ARHGEF7: variants seen among roughly 807,000 people sequenced by gnomAD.
ARHGEF7 encodes Rho guanine nucleotide exchange factor 7.
Under a neutral mutation model 109.8 loss-of-function variants are expected in ARHGEF7, and 33 were observed. The observed-to-expected ratio is 0.30, with a 90% CI of 0.23 to 0.40. ARHGEF7 has a LOEUF of 0.40. ARHGEF7 is among the 10% of genes least tolerant of loss of function. The probability of loss-of-function intolerance (pLI) is 1.00; values close to 1 mark genes in which losing one functional copy is unlikely to be tolerated. For missense variants in ARHGEF7, 938 were observed against 1,098.5 expected, an observed-to-expected ratio of 0.85 and a Z score of 2.07; for synonymous variants, 458 against 424.6, an observed-to-expected ratio of 1.08 and a Z score of -0.97.
intron 2 of ARHGEF7, among the ~76,000 whole-genome samples, chr13:111,174,948 C>T (rs1221374132): frequency 2.0e-5 from 3 of 152,180 alleles, no homozygotes; most frequent in Non-Finnish European, 4.4e-5. Context: ...CCATCTGTTG[C>T]CTGTGTCTCG....
In ARHGEF7 at chr13:111,228,201, G is replaced by A. The variant is rs2085488582; in HGVS notation, c.671-5004G>A. Among the ~76,000 whole-genome samples the A allele has an allele frequency of 1.3e-5, 2 of 152,252 alleles. No homozygotes were observed. Among genetic ancestry groups the A allele is most frequent in the Admixed American group, 6.5e-5 (1 of 15,290 alleles). The stretch of plus-strand genomic sequence containing the variant: ...AGAGACTTTAGTGGCACAGCAGCCA[G>A]ATGTGCTGCGCAGACTTCATTTGGT... On this transcript the variant is annotated intron_variant, in intron 5 of 21. Transcript: ENST00000646102. This position sits in a 1 kb window ranked among gnomAD's most constrained non-coding sequence, Gnocchi z 4.6.
At position 111,283,202 on chromosome 13, in the gene ARHGEF7, C is replaced by T. The variant is rs1310769844; in HGVS notation, c.1789C>T (p.Pro597Ser). ...AGACAGCAAGCCCGCGCCGCTGACGCCCGCCTACCACACGCTGCCCCACCC... is the reference window on the plus strand; with the variant it reads ...AGACAGCAAGCCCGCGCCGCTGACGTCCGCCTACCACACGCTGCCCCACCC... ...HADSKPAPLT[P>S]AYHTLPHPSH... The change falls in exon 16 of 22, where the codon CCC becomes TCC. Residue 597 changes from proline to serine, a missense_variant. Pro to Ser is a moderately conservative substitution (Grantham distance 74). This residue lies in a region of ARHGEF7 where 585 missense variants were observed against 723.6 expected (regional missense o/e 0.81). Coordinates refer to ENST00000646102, the MANE Select transcript of ARHGEF7 (RefSeq NM_001354046.2). The T allele has an allele frequency of 1.3e-6, 2 of 1,597,710 alleles. No homozygotes were observed. The highest frequency in any genetic ancestry group is 1.1e-5 in the South Asian group (1 of 88,428).
chr13:111,162,134 G>A (rs1171226651), intron 2 of ARHGEF7, among the ~76,000 whole-genome samples: 2 of 152,216 alleles, frequency 1.3e-5, no homozygotes, highest in Non-Finnish European at 2.9e-5. Flanking sequence ...AGCAGTACAT[G>A]AGAGTACTCC....
At chr13:111,132,676 C>T (rs1300377680) in intron 1 of ARHGEF7, among the ~76,000 whole-genome samples, 2 of 152,190 alleles carry the variant, frequency 1.3e-5, no homozygotes, top group African/African-American at 4.8e-5. Context: ...CAGGGGTGCT[C>T]ATTGGGAATA....
At chr13:111,150,777 G>A (rs2075848614) in intron 1 of ARHGEF7, among the ~76,000 whole-genome samples, 1 of 152,178 alleles carries the variant, frequency 6.6e-6, no homozygotes, top group Non-Finnish European at 1.5e-5. Flanking sequence ...TGCCCTGAGG[G>A]GCTGGACGAG....
intron 4 of ARHGEF7, 27 bp downstream of exon 4, chr13:111,210,029 A>G: frequency 1.9e-6 from 3 of 1,613,984 alleles, no homozygotes; most frequent in Non-Finnish European, 1.7e-6. Context: ...TTGTTACTTA[A>G]ATATGTTTGG....
At chr13:111,298,810 G>T (rs1410089566) in intron 19 of ARHGEF7, among the ~76,000 whole-genome samples, 2 of 152,224 alleles carry the variant, frequency 1.3e-5, no homozygotes, top group Non-Finnish European at 2.9e-5. Flanking sequence ...GCACAGTGGA[G>T]ACACAACAGC....
At chr13:111,241,037 AGTCCTCTTTGTTTTGCTG>A in intron 6 of ARHGEF7, 1 of 1,037,650 alleles carries the variant, frequency 9.6e-7, no homozygotes, top group Non-Finnish European at 1.3e-6. Flanking sequence ...CACAGCAGTG[AGTCCTCTTTGTTTTGCTG>A]TGCTCTGAGG....
chr13:111,181,557 A>T (rs2078732471), intron 2 of ARHGEF7, among the ~76,000 whole-genome samples: 1 of 152,142 alleles, frequency 6.6e-6, no homozygotes, highest in Non-Finnish European at 1.5e-5. Context: ...ATTGTGGTGG[A>T]GAACTTGGAG....
intron 2 of ARHGEF7, among the ~76,000 whole-genome samples, chr13:111,180,497 A>G (rs1162263972): frequency 6.6e-6 from 1 of 152,248 alleles, no homozygotes; most frequent in Non-Finnish European, 1.5e-5. Flanking sequence ...ATGCATGACA[A>G]CAGCTTAGTA....
intron 5 of ARHGEF7, among the ~76,000 whole-genome samples, chr13:111,229,748 G>A (rs2085767946): frequency 6.6e-6 from 1 of 152,054 alleles, no homozygotes; most frequent in Non-Finnish European, 1.5e-5. Flanking sequence ...TGCTTCTTAG[G>A]GGTTCCCGGA....
At chr13:111,218,958 A>C (rs2153492023) in intron 5 of ARHGEF7, among the ~76,000 whole-genome samples, 1 of 152,122 alleles carries the variant, frequency 6.6e-6, no homozygotes, top group East Asian at 1.9e-4. Flanking sequence ...CTTATTTGTA[A>C]ACTTCTCTGG....
At chr13:111,210,092 A>G in intron 4 of ARHGEF7, 90 bp downstream of exon 4, 2 of 1,549,134 alleles carry the variant, frequency 1.3e-6, no homozygotes, top group South Asian at 1.2e-5. Context: ...TGCCTCCATT[A>G]ATGGTGTTAA....
intron 17 of ARHGEF7, among the ~76,000 whole-genome samples, chr13:111,287,754 C>T (rs188707900): frequency 1.4e-4 from 22 of 152,336 alleles, no homozygotes; most frequent in Admixed American, 9.8e-4. Flanking sequence ...GCTGTGTGGG[C>T]CCAAGCTCCC....
chr13:111,271,206 C>T (rs1393393873), intron 9 of ARHGEF7, among the ~76,000 whole-genome samples: 1 of 152,186 alleles, frequency 6.6e-6, no homozygotes, highest in East Asian at 1.9e-4. Context: ...TCCTGTGGCT[C>T]CTCCTCTGTC....
intron 8 of ARHGEF7, among the ~76,000 whole-genome samples, chr13:111,246,769 C>T (rs771988018): frequency 2.6e-4 from 39 of 152,198 alleles, no homozygotes; most frequent in Non-Finnish European, 4.9e-4. Flanking sequence ...TCATATTGTG[C>T]TCAAGATGGA....
intron 1 of ARHGEF7, chr13:111,153,676 G>A: frequency 1.6e-6 from 2 of 1,244,248 alleles, no homozygotes; most frequent in East Asian, 7.3e-5. Context: ...ACTTCCTGGT[G>A]CGGGAAGGGG....
intron 20 of ARHGEF7, among the ~76,000 whole-genome samples, 153 bp downstream of exon 20, chr13:111,301,000 G>A (rs2093553352): frequency 6.6e-6 from 1 of 151,924 alleles, no homozygotes. Context: ...CCAGGCTGGA[G>A]TGCAATGGTG....
chr13:111,165,138 G>A (rs1051937480), intron 2 of ARHGEF7, among the ~76,000 whole-genome samples: 2 of 152,150 alleles, frequency 1.3e-5, no homozygotes, highest in Non-Finnish European at 2.9e-5. Flanking sequence ...CTCACATTAC[G>A]TCTAACTAGC....
Sources: gnomAD v4.1 joint callset for allele counts (sites outside exome capture counted in the v4.1 genomes callset) on GRCh38, gnomAD v4.1.1 for gene constraint, gnomAD v4.1.1 regional missense constraint, Gnocchi (gnomAD v3.1) non-coding constraint, MANE v1.5 for transcripts, NCBI Gene and HGNC (gene_info 2026-07-23, HGNC 2026-07-21) for gene names.